GALNT13: variants seen among roughly 807,000 people sequenced by gnomAD.
GALNT13 encodes the protein polypeptide N-acetylgalactosaminyltransferase 13.
A neutral mutation model predicts 64.2 loss-of-function variants in GALNT13; 28 were observed. The observed-to-expected ratio is 0.44, with a 90% CI of 0.32 to 0.60. GALNT13 has a LOEUF of 0.60. Ranked by LOEUF, GALNT13 falls within the 20% of genes least tolerant of loss-of-function variation. The pLI is 0.05. For missense variants in GALNT13, 577 were observed against 669.8 expected (o/e 0.86, Z 1.53); for synonymous variants, 214 against 224.6 (o/e 0.95, Z 0.42).
the GALNT13 span, among the ~76,000 whole-genome samples, chr2:153,294,059 GC>G: frequency 2.5e-3 from 384 of 152,228 alleles, 3 homozygotes; most frequent in African/African-American, 8.7e-3. Flanking sequence ...TGGGCTTAAA[GC>G]AATTTACCTG....
intron 9 of GALNT13, among the ~76,000 whole-genome samples, chr2:154,331,146 A>G (rs1013186904): frequency 3.3e-5 from 5 of 152,128 alleles, no homozygotes; most frequent in Admixed American, 1.3e-4. Flanking sequence ...TATGCAAAAT[A>G]AAAATTTAAT....
the GALNT13 span, among the ~76,000 whole-genome samples, chr2:153,204,447 A>C: frequency 2.0e-5 from 3 of 152,176 alleles, no homozygotes; most frequent in African/African-American, 7.2e-5. Context: ...TCCAGAATTT[A>C]TCCAAACAGC....
the GALNT13 span, among the ~76,000 whole-genome samples, chr2:153,764,792 C>A: frequency 1.5e-4 from 23 of 152,306 alleles, no homozygotes; most frequent in African/African-American, 5.3e-4. Flanking sequence ...GGGCTAGGCC[C>A]AGGGCCCCCT....
the GALNT13 span, among the ~76,000 whole-genome samples, chr2:153,680,182 G>T: frequency 4.0e-5 from 6 of 151,826 alleles, no homozygotes; most frequent in Admixed American, 2.0e-4. Flanking sequence ...GAATGAAGAA[G>T]AGAAATTTTA....
the GALNT13 span, among the ~76,000 whole-genome samples, chr2:153,598,197 G>A: frequency 6.6e-6 from 1 of 152,054 alleles, no homozygotes; most frequent in East Asian, 1.9e-4. Context: ...CTTTCCTTCT[G>A]TAAATTTTAG....
At chr2:154,211,512 C>G (rs1687760762) in intron 4 of GALNT13, among the ~76,000 whole-genome samples, 1 of 150,302 alleles carries the variant, frequency 6.7e-6, no homozygotes, top group African/African-American at 2.4e-5. Flanking sequence ...CCTGTAATTC[C>G]AGCTACTTGG....
At chr2:153,610,496 G>A in the GALNT13 span, among the ~76,000 whole-genome samples, 6 of 151,996 alleles carry the variant, frequency 3.9e-5, no homozygotes, top group Non-Finnish European at 7.4e-5. Context: ...CCAACATGGC[G>A]AAACCCTGTC....
At chr2:153,605,210 C>A in the GALNT13 span, among the ~76,000 whole-genome samples, 1 of 152,086 alleles carries the variant, frequency 6.6e-6, no homozygotes, top group African/African-American at 2.4e-5. Context: ...AGCCTAAATC[C>A]TGTTCTTTTT....
the GALNT13 span, among the ~76,000 whole-genome samples, chr2:153,347,517 C>T: frequency 1.4e-4 from 22 of 152,100 alleles, no homozygotes; most frequent in African/African-American, 3.9e-4. Flanking sequence ...CAGAGGAGTT[C>T]GTTTAAAAAA....
the GALNT13 span, among the ~76,000 whole-genome samples, chr2:153,716,705 G>A: frequency 1.3e-5 from 2 of 151,990 alleles, no homozygotes; most frequent in Non-Finnish European, 2.9e-5. Context: ...AATTTACTGA[G>A]TTTTGAATAC....
chr2:153,876,201 C>G (rs1484214346), intron 1 of GALNT13, among the ~76,000 whole-genome samples: 1 of 108,584 alleles, frequency 9.2e-6, no homozygotes, highest in African/African-American at 3.8e-5. Context: ...CCCCCCCACA[C>G]TACACACACA....
chr2:153,367,617 C>G, the GALNT13 span, among the ~76,000 whole-genome samples: 1,256 of 152,134 alleles, frequency 8.3e-3, 16 homozygotes, highest in African/African-American at 0.027. Flanking sequence ...CTCAGAGCCT[C>G]CAGAAGGACA....
In GALNT13 at chr2:154,445,786, G is replaced by C. The variant is rs1323782822; in HGVS notation, c.1531-4625G>C. ...ATTGTCTGCACTGGTCTTTCACTAAGTGTTTGAATCAACAGACTTACTTAG... is the reference window on the plus strand; with the variant it reads ...ATTGTCTGCACTGGTCTTTCACTAACTGTTTGAATCAACAGACTTACTTAG... On this transcript the variant is annotated intron_variant, in intron 12 of 12. Coordinates refer to ENST00000392825, the MANE Select transcript of GALNT13 (RefSeq NM_052917.4). 5 of 1,286,352 alleles carry C rather than the reference G, an allele frequency of 3.9e-6. No homozygotes were observed. In the Admixed American group the frequency reaches 9.2e-5, roughly 24 times the overall value. 79.7% of individuals were successfully genotyped at this position (1,286,352 alleles called of 1,614,324 possible).
intron 3 of GALNT13, among the ~76,000 whole-genome samples, chr2:153,999,252 T>C (rs1442551931): frequency 6.7e-6 from 1 of 148,410 alleles, no homozygotes; most frequent in Non-Finnish European, 1.5e-5. Flanking sequence ...ATGACACATC[T>C]ACAACCATAT....
At chr2:154,363,163 C>A (rs1697172066) in intron 9 of GALNT13, among the ~76,000 whole-genome samples, 1 of 152,172 alleles carries the variant, frequency 6.6e-6, no homozygotes, top group African/African-American at 2.4e-5. Flanking sequence ...ACTGTATTAC[C>A]TTTCTTGGCT....
the GALNT13 span, among the ~76,000 whole-genome samples, chr2:153,406,135 C>T: frequency 3.3e-5 from 5 of 152,120 alleles, no homozygotes; most frequent in African/African-American, 1.2e-4. Context: ...TACAGAGGAA[C>T]ACAAAAAAAT....
the GALNT13 span, among the ~76,000 whole-genome samples, chr2:153,396,778 G>A: frequency 1.2e-4 from 19 of 152,186 alleles, no homozygotes; most frequent in Admixed American, 3.3e-4. Flanking sequence ...TCTGGATGAT[G>A]TTTTTGTCCT....
the GALNT13 span, among the ~76,000 whole-genome samples, chr2:153,094,488 A>G: frequency 1.3e-5 from 2 of 148,668 alleles, no homozygotes. Context: ...ATTCAATGCC[A>G]TCCCCATCAA....
the GALNT13 span, among the ~76,000 whole-genome samples, chr2:153,653,940 T>C: frequency 6.6e-6 from 1 of 152,158 alleles, no homozygotes; most frequent in Non-Finnish European, 1.5e-5. Flanking sequence ...CAAAGGATGC[T>C]TAAACATTAA....
Sources: allele counts gnomAD v4.1 joint callset (sites outside exome capture counted in the v4.1 genomes callset), GRCh38; gene constraint gnomAD v4.1.1; transcripts MANE v1.5; gene names NCBI Gene and HGNC (gene_info 2026-07-23, HGNC 2026-07-21).